Variants in CHN1 observed in about 807,000 individuals in gnomAD.
CHN1 encodes N-chimaerin.
A neutral mutation model predicts 59.5 loss-of-function variants in CHN1; 37 were observed. That is an observed-to-expected ratio of 0.62 (90% confidence interval 0.48 to 0.82). The LOEUF (loss-of-function observed/expected upper bound fraction) is 0.82, where lower values mean the gene tolerates loss of function less well. CHN1 is among the 40% of genes least tolerant of loss of function. CHN1 has a pLI of 0.00. For synonymous variants in CHN1, 206 were observed against 200.4 expected, an observed-to-expected ratio of 1.03 and a Z score of -0.24; for missense variants, 469 against 571.0, an observed-to-expected ratio of 0.82 and a Z score of 1.82.
intron 6 of CHN1, among the ~76,000 whole-genome samples, chr2:174,871,654 G>A (rs1419756715): frequency 1.3e-5 from 2 of 152,046 alleles, no homozygotes; most frequent in Non-Finnish European, 2.9e-5. Flanking sequence ...CTATGATAAA[G>A]GCAAACTCAA....
chr2:174,876,012 T>A (rs1687553492), intron 6 of CHN1: 1 of 169,598 alleles, frequency 5.9e-6, no homozygotes, highest in Admixed American at 6.5e-5. Flanking sequence ...GCCAGCAATT[T>A]CACTCTCAGT....
At chr2:174,977,117 G>C (rs908925292) in intron 1 of CHN1, among the ~76,000 whole-genome samples, 1 of 152,050 alleles carries the variant, frequency 6.6e-6, no homozygotes, top group African/African-American at 2.4e-5. Context: ...TGAAGTTTCA[G>C]AAAGTAGATA....
intron 10 of CHN1, among the ~76,000 whole-genome samples, chr2:174,809,860 C>G (rs926615823): frequency 3.9e-5 from 6 of 152,296 alleles, no homozygotes; most frequent in African/African-American, 1.4e-4. Flanking sequence ...GACCATGGAT[C>G]TCTCACTGTA....
chr2:174,818,667 CT>C (rs1222107417), intron 8 of CHN1, among the ~76,000 whole-genome samples: 6 of 151,982 alleles, frequency 3.9e-5, no homozygotes, highest in African/African-American at 1.4e-4. Flanking sequence ...ACATTTCTCC[CT>C]TCCAATTTCT....
chr2:174,815,617 GA>G (rs1685225282), intron 8 of CHN1, among the ~76,000 whole-genome samples: 1 of 142,874 alleles, frequency 7.0e-6, no homozygotes, highest in South Asian at 2.2e-4. Context: ...TTTGTTTCAA[GA>G]GTGTTCATAA....
chr2:174,983,759 C>T (rs1241092192), intron 1 of CHN1, among the ~76,000 whole-genome samples: 2 of 152,116 alleles, frequency 1.3e-5, no homozygotes, highest in African/African-American at 4.8e-5. Context: ...ACCCAGGAGG[C>T]TGAGGTTGCA....
chr2:174,917,851 G>A (rs1242310425), intron 4 of CHN1, among the ~76,000 whole-genome samples: 1 of 152,062 alleles, frequency 6.6e-6, no homozygotes, highest in Non-Finnish European at 1.5e-5. Context: ...ATGAGATTAT[G>A]AGTGATTTTT....
At chr2:174,888,131 T>C (rs780737948) in intron 5 of CHN1, among the ~76,000 whole-genome samples, 1 of 152,220 alleles carries the variant, frequency 6.6e-6, no homozygotes, top group Non-Finnish European at 1.5e-5. Context: ...ATATATAACC[T>C]TGTACATTAG....
At chr2:174,987,169 G>A (rs1691376852) in intron 1 of CHN1, among the ~76,000 whole-genome samples, 1 of 152,146 alleles carries the variant, frequency 6.6e-6, no homozygotes, top group African/African-American at 2.4e-5. Flanking sequence ...GTAACCAGTG[G>A]GTTATTAGTA....
intron 1 of CHN1, among the ~76,000 whole-genome samples, chr2:174,979,963 A>G (rs1691087208): frequency 6.6e-6 from 1 of 152,196 alleles, no homozygotes. Flanking sequence ...TCATTCCAAG[A>G]TTTAAAATTT....
chr2:174,826,982 C>G (rs1685708267), intron 7 of CHN1, among the ~76,000 whole-genome samples: 1 of 151,928 alleles, frequency 6.6e-6, no homozygotes, highest in Admixed American at 6.6e-5. Context: ...TTATGTAGCT[C>G]TCCATGAAAA....
rs1316104518 is a variant in CHN1, at chr2:174,810,387, G to GT, written c.964+1123dup. Among the ~76,000 whole-genome samples the GT allele has an allele frequency of 5.9e-5, 9 of 152,274 alleles. No individual in the cohort carries two copies. In the East Asian group the frequency reaches 1.5e-3, roughly 26 times the overall value. On this transcript the variant is annotated intron_variant, in intron 10 of 12. Coordinates refer to ENST00000409900, the MANE Select transcript of CHN1 (RefSeq NM_001822.7). Reference sequence around the variant, plus strand: ...TCATGAATTTTAAAATCTGTTACTGGTGTTTTCAGGTCACAAAATGGTTGT... The same window carrying GT: ...TCATGAATTTTAAAATCTGTTACTGGTTGTTTTCAGGTCACAAAATGGTTGT...
chr2:174,973,662 G>C (rs1253632847), intron 1 of CHN1, among the ~76,000 whole-genome samples: 1 of 152,118 alleles, frequency 6.6e-6, no homozygotes, highest in Non-Finnish European at 1.5e-5. Context: ...CTGACGATGT[G>C]GACCCACCCC....
chr2:174,870,531 A>C (rs1376348478), intron 6 of CHN1, among the ~76,000 whole-genome samples: 2 of 152,228 alleles, frequency 1.3e-5, no homozygotes, highest in Admixed American at 1.3e-4. Context: ...TAAGATGAAA[A>C]TTACAGATCC....
intron 3 of CHN1, among the ~76,000 whole-genome samples, chr2:174,930,498 G>A (rs532724545): frequency 5.9e-5 from 9 of 152,132 alleles, no homozygotes; most frequent in Non-Finnish European, 1.3e-4. Flanking sequence ...CTCAGAGGTG[G>A]TCAATGAGAC....
intron 8 of CHN1, among the ~76,000 whole-genome samples, chr2:174,819,954 G>A (rs1393030642): frequency 6.6e-6 from 1 of 151,028 alleles, no homozygotes; most frequent in Non-Finnish European, 1.5e-5. Context: ...TGAGAATGAT[G>A]ATTTCCAATT....
chr2:174,863,273 A>G (rs1687121673), intron 6 of CHN1, among the ~76,000 whole-genome samples: 1 of 152,186 alleles, frequency 6.6e-6, no homozygotes, highest in Non-Finnish European at 1.5e-5. Flanking sequence ...TTTGAAGTTC[A>G]ATAGACCAAT....
chr2:174,844,186 ATAAG>A (rs1558948807), intron 7 of CHN1, among the ~76,000 whole-genome samples: 2 of 140,044 alleles, frequency 1.4e-5, no homozygotes, highest in South Asian at 2.3e-4. Flanking sequence ...TCAAATCCTT[ATAAG>A]TAACAATAGA....
chr2:174,902,276 G>A (rs1688408158), intron 5 of CHN1, among the ~76,000 whole-genome samples: 1 of 152,046 alleles, frequency 6.6e-6, no homozygotes, highest in Non-Finnish European at 1.5e-5. Context: ...GATGCCTTAT[G>A]TTAAACTAGC....
Sources: allele counts gnomAD v4.1 joint callset (sites outside exome capture counted in the v4.1 genomes callset), GRCh38; gene constraint gnomAD v4.1.1; transcripts MANE v1.5; gene names NCBI Gene and HGNC (gene_info 2026-07-23, HGNC 2026-07-21).